Variants in SH3GLB1 observed in about 807,000 individuals in gnomAD.
The protein encoded by SH3GLB1 is endophilin-B1.
A neutral mutation model predicts 42.0 loss-of-function variants in SH3GLB1; 17 were observed. The ratio of observed to expected loss-of-function variants is 0.40; its 90% CI spans 0.28 to 0.61. The LOEUF (loss-of-function observed/expected upper bound fraction) is 0.61. Among genes scored for constraint, SH3GLB1 ranks in the 20% least tolerant of loss-of-function variants. The pLI is 0.36. For synonymous variants in SH3GLB1, 132 were observed against 146.6 expected, an observed-to-expected ratio of 0.90 and a Z score of 0.72; for missense variants, 355 against 426.3, an observed-to-expected ratio of 0.83 and a Z score of 1.47.
intron 7 of SH3GLB1, among the ~76,000 whole-genome samples, chr1:86,738,235 T>G (rs1012123042): frequency 2.3e-5 from 3 of 129,812 alleles, no homozygotes; most frequent in Admixed American, 7.1e-5. Context: ...CCTGTGGGTG[T>G]TGTTTGTTTT....
chr1:86,715,394 T>TA (rs530322336), intron 1 of SH3GLB1, among the ~76,000 whole-genome samples: 59 of 152,336 alleles, frequency 3.9e-4, no homozygotes, highest in Middle Eastern at 3.4e-3. Flanking sequence ...TCTTTACCGT[T>TA]ATCCTAGTCT....
In SH3GLB1 at chr1:86,724,356, C is replaced by G; in HGVS notation, c.521C>G (p.Ala174Gly). 1 of 1,603,080 alleles carries G rather than the reference C, an allele frequency of 6.2e-7. No individual in the cohort carries two copies. The highest frequency in any genetic ancestry group is 1.3e-5 in the African/African-American group (1 of 74,212). Residue 174 changes from alanine to glycine, a missense_variant, in exon 5 of 9, where the codon GCT (alanine) becomes GGT (glycine). Coordinates refer to ENST00000370558, the MANE Select transcript of SH3GLB1 (RefSeq NM_016009.5). ...CAAAATAAGAGACTGGATTTGGATG[C>G]TGCAAAAACGAGACTAAAAAAGGCA... ...LLQNKRLDLD[A>G]AKTRLKKAKA... is the part of the protein sequence containing the mutation.
chr1:86,738,733 C>T (rs988147561), intron 7 of SH3GLB1: 1 of 152,408 alleles, frequency 6.6e-6, no homozygotes, highest in East Asian at 1.9e-4. Flanking sequence ...ACCTCTGCCT[C>T]CCGGGTTCAA....
intron 1 of SH3GLB1, among the ~76,000 whole-genome samples, chr1:86,710,906 G>C (rs915942078): frequency 6.6e-6 from 1 of 152,164 alleles, no homozygotes; most frequent in South Asian, 2.1e-4. Context: ...CTCAGTCTTG[G>C]CTGCACTTAA....
intron 8 of SH3GLB1, 70 bp from the exon 9 acceptor site, chr1:86,743,058 A>T: frequency 1.7e-6 from 2 of 1,199,122 alleles, no homozygotes; most frequent in Non-Finnish European, 2.4e-6. Flanking sequence ...AATTAAATAC[A>T]AATCTGATTG....
chr1:86,741,617 CTA>C lies in SH3GLB1; in HGVS notation c.762-589_762-588del, dbSNP rs1180321807. ...TATTATTTGAATGTCTACCTTCTCA[CTA>C]TGTGTATGTCCTTAAGGGAATAGTA... On this transcript the variant is annotated intron_variant, in intron 7 of 8. Transcript: ENST00000370558. Among the ~76,000 whole-genome samples, 28 of 152,240 alleles carry C rather than the reference CTA, an allele frequency of 1.8e-4. No homozygotes were observed. In the East Asian group the frequency reaches 5.4e-3, roughly 29 times the overall value.
intron 3 of SH3GLB1, among the ~76,000 whole-genome samples, 171 bp downstream of exon 3, chr1:86,719,806 T>C (rs1009849744): frequency 1.3e-5 from 2 of 151,810 alleles, no homozygotes; most frequent in African/African-American, 4.8e-5. Context: ...CTATCCTGGC[T>C]AACATGGTGA....
chr1:86,722,771 G>A, intron 4 of SH3GLB1, 98 bp downstream of exon 4: 1 of 976,000 alleles, frequency 1.0e-6, no homozygotes, highest in Admixed American at 3.3e-5. Flanking sequence ...TAGATGTAGT[G>A]GATTACAAAA....
At position 86,704,721 on chromosome 1, in the gene SH3GLB1, C is replaced by G. The variant is rs1653709473; in HGVS notation, c.-179C>G. 1 of 471,990 alleles carries G rather than the reference C, an allele frequency of 2.1e-6. No individual in the cohort carries two copies. Among genetic ancestry groups the G allele is most frequent in the Non-Finnish European group, 3.7e-6 (1 of 266,670 alleles). 29.2% of individuals were successfully genotyped at this position (471,990 alleles called of 1,614,324 possible). A position where few individuals can be genotyped will look rare whatever the true frequency, so the allele number is the denominator to read the frequency against. On this transcript the variant is annotated 5_prime_UTR_variant, in exon 1 of 9. Transcript: ENST00000370558. Reference sequence around the variant, plus strand: ...TGCCGCCGCGCGCTTGTTCTCCTCCCTCGCCCCGCCTTCATCCTCCCCGTT... The same window carrying G: ...TGCCGCCGCGCGCTTGTTCTCCTCCGTCGCCCCGCCTTCATCCTCCCCGTT...
chr1:86,737,782 T>C (rs1170321458), intron 7 of SH3GLB1, among the ~76,000 whole-genome samples: 1 of 152,170 alleles, frequency 6.6e-6, no homozygotes, highest in Non-Finnish European at 1.5e-5. Flanking sequence ...CCGGAAAATA[T>C]AGCAGGAAAC....
At chr1:86,719,459 T>G in intron 2 of SH3GLB1, 48 bp from the exon 3 acceptor site, 1 of 1,550,534 alleles carries the variant, frequency 6.4e-7, no homozygotes, top group Non-Finnish European at 8.8e-7. Flanking sequence ...AATCTTCTAA[T>G]TAGTTTTGCT....
intron 5 of SH3GLB1, among the ~76,000 whole-genome samples, chr1:86,725,804 A>G (rs1432503486): frequency 1.3e-5 from 2 of 152,152 alleles, no homozygotes; most frequent in African/African-American, 4.8e-5. Context: ...ACCTTGTATG[A>G]GCAGAATAAG....
intron 1 of SH3GLB1, among the ~76,000 whole-genome samples, chr1:86,714,760 ATACC>A (rs1262832105): frequency 1.3e-5 from 2 of 152,196 alleles, no homozygotes; most frequent in Non-Finnish European, 2.9e-5. Context: ...TGCTAGTGAT[ATACC>A]TGTGTTAAGA....
intron 1 of SH3GLB1, among the ~76,000 whole-genome samples, chr1:86,708,390 G>A (rs1049641107): frequency 7.2e-5 from 11 of 152,098 alleles, no homozygotes; most frequent in Admixed American, 2.0e-4. Flanking sequence ...AAATTGTACC[G>A]TAAGGAATAT....
rs1656319421 is a variant in SH3GLB1, at chr1:86,746,710, A to G, written c.*3475A>G. 6.6e-6 allele frequency: 1 copy of G among 152,228 alleles called. No individual in the cohort carries two copies. Among genetic ancestry groups the G allele is most frequent in the South Asian group, 2.1e-4 (1 of 4,830 alleles). 9.4% of individuals were successfully genotyped at this position (152,228 alleles called of 1,614,324 possible). ...TGGGGAAACCCTGTCTCTACTGAAA[A>G]TATAAAAATTAGCCGGGCATGGTGG... On this transcript the variant is annotated 3_prime_UTR_variant, in exon 9 of 9. Transcript: ENST00000370558.
chr1:86,740,607 A>G (rs1355078883), intron 7 of SH3GLB1, among the ~76,000 whole-genome samples: 1 of 152,196 alleles, frequency 6.6e-6, no homozygotes, highest in Non-Finnish European at 1.5e-5. Flanking sequence ...GAAAAAGGCG[A>G]TGGTCAAAGA....
chr1:86,747,797 C>T lies in SH3GLB1; in HGVS notation c.*4562C>T, dbSNP rs967792387. The T allele has an allele frequency of 2.0e-5, 3 of 152,214 alleles. No individual in the cohort carries two copies. The highest frequency in any genetic ancestry group is 7.2e-5 in the African/African-American group (3 of 41,450). The allele number at this position is 152,214 out of a possible 1,614,324, so 9.4% of individuals were successfully genotyped here. A position where few individuals can be genotyped will look rare whatever the true frequency, so the allele number is the denominator to read the frequency against. On this transcript the variant is annotated 3_prime_UTR_variant, in exon 9 of 9. Transcript: ENST00000370558. ...GCCTCTTAGATTGCTAAGTTCTGCT[C>T]TCATTCTTACTTCAAAGGACACTTT...
chr1:86,735,010 G>A (rs1419424143), intron 6 of SH3GLB1, 69 bp from the exon 7 acceptor site: 1 of 1,136,226 alleles, frequency 8.8e-7, no homozygotes, highest in African/African-American at 1.5e-5. Context: ...ATTGTGGTCT[G>A]TCTCCCCCTT....
intron 1 of SH3GLB1, 40 bp downstream of exon 1, chr1:86,705,011 G>A: frequency 7.2e-7 from 1 of 1,396,272 alleles, no homozygotes; most frequent in Non-Finnish European, 9.8e-7. Context: ...GCGGCGCCCG[G>A]GAAGGTTGAG....
Sources: gnomAD v4.1 joint callset for allele counts (sites outside exome capture counted in the v4.1 genomes callset) on GRCh38, gnomAD v4.1.1 for gene constraint, MANE v1.5 for transcripts, NCBI Gene and HGNC (gene_info 2026-07-23, HGNC 2026-07-21) for gene names.